PRKN: variants seen among roughly 807,000 people sequenced by gnomAD.
PRKN encodes the protein E3 ubiquitin-protein ligase parkin.
Under a neutral mutation model 59.5 loss-of-function variants are expected in PRKN, and 56 were observed. The ratio of observed to expected loss-of-function variants is 0.94; its 90% CI spans 0.76 to 1.18. The LOEUF is 1.18. Among genes scored for constraint, PRKN ranks in the 50% most tolerant of loss-of-function variants. The pLI is 0.00. For missense variants in PRKN, 657 were observed against 596.4 expected, an observed-to-expected ratio of 1.10 and a Z score of -1.06; for synonymous variants, 250 against 222.1, an observed-to-expected ratio of 1.13 and a Z score of -1.12.
At chr6:162,448,800 CTCTT>C (rs1056582727) in intron 1 of PRKN, among the ~76,000 whole-genome samples, 5 of 125,924 alleles carry the variant, frequency 4.0e-5, no homozygotes, top group African/African-American at 1.3e-4. Flanking sequence ...ACCTTTCTTT[CTCTT>C]TCTCTTTCTT....
intron 7 of PRKN, among the ~76,000 whole-genome samples, chr6:161,703,808 T>G (rs2128179786): frequency 6.8e-6 from 1 of 147,130 alleles, no homozygotes; most frequent in African/African-American, 2.5e-5. Context: ...GTAAACCACA[T>G]GAGGACACAC....
At chr6:161,605,266 C>A (rs566638638) in intron 7 of PRKN, among the ~76,000 whole-genome samples, 1 of 152,154 alleles carries the variant, frequency 6.6e-6, no homozygotes, top group East Asian at 1.9e-4. Context: ...AGTTCACATT[C>A]TTTTGTGAGA....
chr6:162,493,711 G>T lies in PRKN; in HGVS notation c.8-50238C>A, dbSNP rs1043419809. Among the ~76,000 whole-genome samples the T allele has an allele frequency of 5.3e-5, 8 of 152,094 alleles. No homozygotes were observed. The South Asian group carries it at 1.7e-3, about 32-fold the overall frequency. On this transcript the variant is annotated intron_variant, in intron 1 of 11. Coordinates refer to ENST00000366898, the MANE Select transcript of PRKN (RefSeq NM_004562.3). ...GAATTGTGTTATTTCATCCTTTGACGAAAGCGTCCATGCATGACCACTCCT... is the reference window on the plus strand; with the variant it reads ...GAATTGTGTTATTTCATCCTTTGACTAAAGCGTCCATGCATGACCACTCCT...
At chr6:162,000,342 T>C (rs1782004827) in intron 5 of PRKN, among the ~76,000 whole-genome samples, 1 of 152,122 alleles carries the variant, frequency 6.6e-6, no homozygotes, top group Admixed American at 6.6e-5. Flanking sequence ...GCCATTGTAA[T>C]AGATGTGTAC....
intron 6 of PRKN, among the ~76,000 whole-genome samples, chr6:161,970,399 C>CTATA (rs57166297): frequency 0.12 from 17,012 of 146,094 alleles, 1,171 homozygotes; most frequent in Non-Finnish European, 0.15. Context: ...TGATACGAAA[C>CTATA]TATATATATA....
intron 1 of PRKN, among the ~76,000 whole-genome samples, chr6:162,587,998 T>A (rs13210756): frequency 0.12 from 18,101 of 150,592 alleles, 1,214 homozygotes; most frequent in Middle Eastern, 0.2. Flanking sequence ...ATACTTGAAC[T>A]AAGTGAGTTT....
chr6:161,669,572 G>C (rs865858588), intron 7 of PRKN, among the ~76,000 whole-genome samples: 1 of 152,170 alleles, frequency 6.6e-6, no homozygotes, highest in African/African-American at 2.4e-5. Flanking sequence ...GTTCTTCAAG[G>C]GTCAGCATGC....
chr6:162,398,968 C>T (rs2128148587), intron 2 of PRKN, among the ~76,000 whole-genome samples: 1 of 152,292 alleles, frequency 6.6e-6, no homozygotes, highest in Middle Eastern at 3.4e-3. Context: ...AAAATACCTT[C>T]TTCACATGAC....
Position 161,498,062 on chromosome 6 carries a change from C to T in PRKN, c.1083+50792G>A, listed in dbSNP as rs900370416. ...TTTCCACAGTGGGAGGACTCACAAG[C>T]ACTGAGACTGGCTTTTTTCATTAGT... is the stretch of plus-strand genomic sequence containing the variant. On this transcript the variant is annotated intron_variant, in intron 9 of 11. Transcript: ENST00000366898. The surrounding 1 kb of genome is among the most constrained non-coding windows in gnomAD (Gnocchi z 4.2). 6.6e-5 allele frequency among the ~76,000 whole-genome samples: 10 copies of T among 152,106 alleles called. No homozygotes were observed. The highest frequency in any genetic ancestry group is 2.4e-4 in the African/African-American group (10 of 41,424).
intron 2 of PRKN, among the ~76,000 whole-genome samples, chr6:162,390,953 T>C (rs988334745): frequency 2.0e-5 from 3 of 152,172 alleles, no homozygotes; most frequent in Non-Finnish European, 2.9e-5. Context: ...AGTCAAATAT[T>C]TGATAAGGAC....
intron 8 of PRKN, among the ~76,000 whole-genome samples, chr6:161,557,551 G>A (rs1339935597): frequency 6.6e-6 from 1 of 152,086 alleles, no homozygotes; most frequent in Non-Finnish European, 1.5e-5. Flanking sequence ...TGGCTATGGG[G>A]AAACCAAGCG....
intron 9 of PRKN, among the ~76,000 whole-genome samples, chr6:161,441,244 C>T (rs866762015): frequency 2.6e-5 from 4 of 152,166 alleles, no homozygotes; most frequent in Non-Finnish European, 5.9e-5. Flanking sequence ...CATCACTGCT[C>T]GAGCGTGAAG....
chr6:162,545,388 C>T, intron 1 of PRKN, among the ~76,000 whole-genome samples: 1 of 152,176 alleles, frequency 6.6e-6, no homozygotes, highest in East Asian at 1.9e-4. Flanking sequence ...GTCTTGATTT[C>T]TGTGAACTGC....
chr6:162,539,287 C>T (rs554847476), intron 1 of PRKN, among the ~76,000 whole-genome samples: 1 of 152,074 alleles, frequency 6.6e-6, no homozygotes, highest in Non-Finnish European at 1.5e-5. Context: ...AATTGGGATG[C>T]TATAATTTTC....
intron 6 of PRKN, among the ~76,000 whole-genome samples, chr6:161,807,049 T>A (rs1355228701): frequency 6.6e-6 from 1 of 152,236 alleles, no homozygotes; most frequent in East Asian, 1.9e-4. Context: ...AGTGTTAAAC[T>A]TTAAAAATAG....
intron 3 of PRKN, among the ~76,000 whole-genome samples, chr6:162,257,791 T>A (rs530335299): frequency 1.0e-3 from 152 of 152,162 alleles, no homozygotes; most frequent in African/African-American, 3.6e-3. Context: ...ACCTTCCGGG[T>A]TGTGTTGCCT....
At chr6:162,212,693 A>C (rs1785257536) in intron 3 of PRKN, among the ~76,000 whole-genome samples, 1 of 152,180 alleles carries the variant, frequency 6.6e-6, no homozygotes. Flanking sequence ...TCCTTAGACG[A>C]TTGTGGAATT....
intron 1 of PRKN, among the ~76,000 whole-genome samples, chr6:162,491,592 C>T (rs944276839): frequency 6.6e-6 from 1 of 152,210 alleles, no homozygotes; most frequent in Non-Finnish European, 1.5e-5. Context: ...TCGTGGGACG[C>T]CCATGGAGAC....
rs998581731 is a variant in PRKN, at chr6:161,353,438, C to G, written c.1286-3227G>C. 1.4e-4 allele frequency among the ~76,000 whole-genome samples: 21 copies of G among 152,260 alleles called. No homozygotes were observed. Among genetic ancestry groups the G allele is most frequent in the African/African-American group, 4.3e-4 (18 of 41,560 alleles). On this transcript the variant is annotated intron_variant, in intron 11 of 11. Transcript: ENST00000366898. The surrounding 1 kb of genome is among the most constrained non-coding windows in gnomAD (Gnocchi z 4.8). ...CTTTCTGTCCCACCGCATTTCAACA[C>G]GGCTGTCCATGCTTCCATCGTGCCT...
Sources: allele counts gnomAD v4.1 joint callset (sites outside exome capture counted in the v4.1 genomes callset), GRCh38; gene constraint gnomAD v4.1.1; non-coding constraint Gnocchi (gnomAD v3.1); transcripts MANE v1.5; gene names NCBI Gene and HGNC (gene_info 2026-07-23, HGNC 2026-07-21).